The following COL3A1 variants were observed in gnomAD, a reference collection of about 807,000 sequenced individuals.
COL3A1 encodes the protein collagen type III alpha 1 chain, also known as collagen alpha-1(III) chain.
In COL3A1, 46 loss-of-function variants were observed where a neutral mutation model predicts 200.9. That is an observed-to-expected ratio of 0.23 (90% CI 0.18 to 0.29). The LOEUF (loss-of-function observed/expected upper bound fraction) is 0.29. COL3A1 is among the 10% of genes least tolerant of loss of function. The probability of loss-of-function intolerance (pLI) is 1.00; values close to 1 mark genes in which losing one functional copy is unlikely to be tolerated. For missense variants in COL3A1, 1,367 were observed against 1,917.6 expected (o/e 0.71, Z 5.36); for synonymous variants, 650 against 628.0 (o/e 1.03, Z -0.52).
intron 40 of COL3A1, among the ~76,000 whole-genome samples, chr2:189,004,903 A>G (rs558565552): frequency 6.6e-6 from 1 of 152,354 alleles, no homozygotes; most frequent in African/African-American, 2.4e-5. Context: ...ACAAAATGTT[A>G]TGTAATATTG....
chr2:188,998,790 A>G, intron 29 of COL3A1, 72 bp downstream of exon 29: 1 of 1,365,054 alleles, frequency 7.3e-7, no homozygotes, highest in South Asian at 1.2e-5. Flanking sequence ...TATTTTTAGT[A>G]TATCAAGCCA....
rs1688753357 is a variant in COL3A1 at position 189,012,677 on chromosome 2, A to G, written c.*903A>G. 6.6e-6 allele frequency: 1 copy of G among 152,534 alleles called. No homozygotes were observed. The highest frequency in any genetic ancestry group is 2.4e-5 in the African/African-American group (1 of 41,440). The allele number at this position is 152,534 out of a possible 1,614,324, so 9.4% of individuals were successfully genotyped here. A position where few individuals can be genotyped will look rare whatever the true frequency, so the allele number is the denominator to read the frequency against. On this transcript the variant is annotated 3_prime_UTR_variant, in exon 51 of 51. Coordinates refer to ENST00000304636, the MANE Select transcript of COL3A1 (RefSeq NM_000090.4). ...AGAATGTGTTGAAATTTAACTTTGT[A>G]AGCTTGTATGTGGTTGTTGATCTTT... is the stretch of plus-strand genomic sequence containing the variant.
In COL3A1 at chr2:189,009,174, C is replaced by T. The variant is rs148387626; in HGVS notation, c.3776C>T (p.Ala1259Val). 25 of 1,614,190 alleles carry T rather than the reference C, an allele frequency of 1.5e-5. No homozygotes were observed. The East Asian group carries it at 4.9e-4, about 32-fold the overall frequency. ...CCTGATGGTTCTCGTAAAAACCCCG[C>T]TAGAAACTGCAGAGACCTGAAATTC... ...ISPDGSRKNP[A>V]RNCRDLKFCH... The change falls in exon 48 of 51, where the codon GCT becomes GTT. Residue 1259 changes from alanine to valine, a missense_variant. By Grantham distance (64) the Ala-to-Val change is moderately conservative. Coordinates refer to ENST00000304636, the MANE Select transcript of COL3A1 (RefSeq NM_000090.4).
rs750606467 is a variant in COL3A1 at position 188,991,066 on chromosome 2, C to A, written c.852+9C>A. ...GTGCTCCTGGATTAAAGGTAAATCACAACAAAAATCATATTTTCATAAGTA... is the reference window on the plus strand; with the variant it reads ...GTGCTCCTGGATTAAAGGTAAATCAAAACAAAAATCATATTTTCATAAGTA... On this transcript the variant is annotated intron_variant, in intron 11 of 50. Coordinates refer to ENST00000304636, the MANE Select transcript of COL3A1 (RefSeq NM_000090.4). 1 of 1,610,282 alleles carries A rather than the reference C, an allele frequency of 6.2e-7. No homozygotes were observed. The highest frequency in any genetic ancestry group is 8.5e-7 in the Non-Finnish European group (1 of 1,177,300).
Position 188,991,855 on chromosome 2 carries a change from A to T in COL3A1, c.951+133A>T, listed in dbSNP as rs1688197639. 3 of 908,030 alleles carry T rather than the reference A, an allele frequency of 3.3e-6. No homozygotes were observed. The East Asian group carries it at 7.3e-5, about 22-fold the overall frequency. The allele number at this position is 908,030 out of a possible 1,614,324, so 56.2% of individuals were successfully genotyped here. A position where few individuals can be genotyped will look rare whatever the true frequency, so the allele number is the denominator to read the frequency against. On this transcript the variant is annotated intron_variant, in intron 13 of 50. Coordinates refer to ENST00000304636, the MANE Select transcript of COL3A1 (RefSeq NM_000090.4). ...CAAAATTATACTCAATGATACTGTG[A>T]TAAAGTTTTGGCTATAGTTAAAAGG...
intron 44 of COL3A1, 78 bp downstream of exon 44, chr2:189,007,068 T>A (rs2153503804): frequency 1.0e-6 from 1 of 996,984 alleles, no homozygotes; most frequent in Middle Eastern, 3.3e-4. Flanking sequence ...AATATTTTAT[T>A]TTCCAGCGTG....
At chr2:188,980,817 A>G (rs545255996) in intron 1 of COL3A1, among the ~76,000 whole-genome samples, 5 of 151,338 alleles carry the variant, frequency 3.3e-5, no homozygotes, top group Admixed American at 2.6e-4. Flanking sequence ...ACCAAACATT[A>G]TTTCAATTGG....
At chr2:189,000,027 A>G in intron 32 of COL3A1, 132 bp downstream of exon 32, 1 of 881,414 alleles carries the variant, frequency 1.1e-6, no homozygotes. Context: ...GACCCGAATG[A>G]CTTGATTTAT....
Position 188,984,432 on chromosome 2 carries a change from T to G in COL3A1, c.80-328T>G, listed in dbSNP as rs1688020642. 2.6e-5 allele frequency among the ~76,000 whole-genome samples: 4 copies of G among 152,032 alleles called. No individual in the cohort carries two copies. The South Asian group carries it at 8.3e-4, about 31-fold the overall frequency. On this transcript the variant is annotated intron_variant, in intron 1 of 50. Transcript: ENST00000304636. ...ATTGGGTAGAAGAGCTTATTTTCAA[T>G]GTTCCTTTAATAAATAAATGTTTAA...
intron 1 of COL3A1, among the ~76,000 whole-genome samples, chr2:188,980,265 G>C (rs963879757): frequency 1.3e-5 from 2 of 150,988 alleles, no homozygotes; most frequent in East Asian, 3.9e-4. Flanking sequence ...TTAGATATAT[G>C]ATACTTAAAA....
At chr2:188,977,105 C>A (rs1191226888) in intron 1 of COL3A1, among the ~76,000 whole-genome samples, 1 of 152,018 alleles carries the variant, frequency 6.6e-6, no homozygotes, top group Non-Finnish European at 1.5e-5. Flanking sequence ...ATGTTACGGC[C>A]ACTTAAAAAT....
At chr2:189,002,821 C>T (rs1425384876) in intron 35 of COL3A1, 134 bp from the exon 36 acceptor site, 3 of 747,412 alleles carry the variant, frequency 4.0e-6, no homozygotes, top group Non-Finnish European at 4.7e-6. Flanking sequence ...GTCATGTCTT[C>T]AGAAAGCCTT....
rs759863835 is a variant in COL3A1, at chr2:189,001,466, A to G, written c.2337+16A>G. The G allele has an allele frequency of 5.0e-6, 8 of 1,613,844 alleles. No homozygotes were observed. The highest frequency in any genetic ancestry group is 1.6e-4 in the Middle Eastern group (1 of 6,082). ...TGGAGATAAGGTAACCCTTAATACT[A>G]CCTGGATATAAAAAGAAAATGTCTC... On this transcript the variant is annotated intron_variant, in intron 33 of 50. Transcript: ENST00000304636.
rs550665335 is a variant in COL3A1, at chr2:189,009,005, G to A, written c.3607G>A (p.Ala1203Thr). Residue 1203 changes from alanine (A) to threonine (T), a missense_variant, in exon 48 of 51, where the codon GCT becomes ACT. Physicochemically the swap from Ala to Thr is moderately conservative, Grantham distance 58. Coordinates refer to ENST00000304636, the MANE Select transcript of COL3A1 (RefSeq NM_000090.4). ...TCCTTGCTGTGGTGGTGTTGGAGCC[G>A]CTGCCATTGCTGGGATTGGAGGTGA... The part of the protein sequence containing the change: ...PGPCCGGVGA[A>T]AIAGIGGEKA... The A allele has an allele frequency of 4.9e-5, 79 of 1,614,164 alleles. No homozygotes were observed. Among genetic ancestry groups the A allele is most frequent in the South Asian group, 9.9e-5 (9 of 91,082 alleles).
rs1343634872 is a variant in COL3A1 at position 188,974,528 on chromosome 2, C to T, written c.39C>T (p.Leu13=). 9.3e-6 allele frequency: 15 copies of T among 1,613,928 alleles called. No homozygotes were observed. In the African/African-American group the frequency reaches 9.3e-5, roughly 10 times the overall value. The part of the protein sequence containing the change: ...SFVQKGSWLL[L]ALLHPTIILA... ...TGCAAAAGGGGAGCTGGCTACTTCT[C>T]GCTCTGCTTCATCCCACTATTATTT... The change falls in exon 1 of 51, where the codon CTC becomes CTT. Residue 13 remains leucine, a synonymous_variant. Transcript: ENST00000304636.
intron 43 of COL3A1, 49 bp downstream of exon 43, chr2:189,006,501 A>G: frequency 6.4e-7 from 1 of 1,563,906 alleles, no homozygotes; most frequent in Non-Finnish European, 8.8e-7. Context: ...TTCCTTCAAT[A>G]AAGACATTTG....
Position 189,007,911 on chromosome 2 carries a change from C to T in COL3A1, c.3390C>T (p.Ile1130=), listed in dbSNP as rs148918486. ...SPGPAGQQGA[I]GSPGPAGPRG... ...GCCCTGCTGGTCAGCAGGGTGCAAT[C>T]GGCAGTCCAGGACCTGCAGGCCCCA... The change falls in exon 46 of 51, where the codon ATC becomes ATT. Residue 1130 remains isoleucine, a synonymous_variant. Coordinates refer to ENST00000304636, the MANE Select transcript of COL3A1 (RefSeq NM_000090.4). 79 of 1,613,986 alleles carry T rather than the reference C, an allele frequency of 4.9e-5. No homozygotes were observed. Among genetic ancestry groups the T allele is most frequent in the Admixed American group, 8.3e-5 (5 of 60,002 alleles).
Position 189,010,457 on chromosome 2 carries a change from G to A in COL3A1, c.4011+92G>A, listed in dbSNP as rs771872717. The A allele has an allele frequency of 1.0e-4, 153 of 1,531,306 alleles. No homozygotes were observed. Among genetic ancestry groups the A allele is most frequent in the Non-Finnish European group, 1.3e-4 (149 of 1,108,408 alleles). 94.9% of individuals were successfully genotyped at this position (1,531,306 alleles called of 1,614,324 possible). A position where few individuals can be genotyped will look rare whatever the true frequency, so the allele number is the denominator to read the frequency against. ...CATCACAAAGCAAAGTTACTAGGTT[G>A]GTACAAACATAATTGCAGTTTTTGC... is the stretch of plus-strand genomic sequence containing the variant. On this transcript the variant is annotated intron_variant, in intron 49 of 50. Coordinates refer to ENST00000304636, the MANE Select transcript of COL3A1 (RefSeq NM_000090.4).
intron 45 of COL3A1, 103 bp from the exon 46 acceptor site, chr2:189,007,782 A>C (rs914270903): frequency 6.1e-6 from 9 of 1,467,648 alleles, no homozygotes; most frequent in Non-Finnish European, 8.6e-6. Context: ...GAAAGAAAAA[A>C]AATTTCATCA....
Sources: gnomAD v4.1 joint callset for allele counts (sites outside exome capture counted in the v4.1 genomes callset) on GRCh38, gnomAD v4.1.1 for gene constraint, MANE v1.5 for transcripts, NCBI Gene and HGNC (gene_info 2026-07-23, HGNC 2026-07-21) for gene names.